DIS3L: variants seen among roughly 807,000 people sequenced by gnomAD.
DIS3L encodes DIS3-like exonuclease 1.
Under a neutral mutation model 120.3 loss-of-function variants are expected in DIS3L, and 100 were observed. That is an observed-to-expected ratio of 0.83 (90% CI 0.71 to 0.98). The LOEUF is 0.98. Ranked by LOEUF, DIS3L falls within the 50% of genes least tolerant of loss-of-function variation. The probability of loss-of-function intolerance (pLI) is 0.00; values close to 1 mark genes in which losing one functional copy is unlikely to be tolerated. For missense variants in DIS3L, 1,196 were observed against 1,314.2 expected, an observed-to-expected ratio of 0.91 and a Z score of 1.39; for synonymous variants, 426 against 470.6, an observed-to-expected ratio of 0.91 and a Z score of 1.23.
chr15:66,298,789 CA>C (rs2092616891), intron 2 of DIS3L, among the ~76,000 whole-genome samples: 2 of 152,214 alleles, frequency 1.3e-5, no homozygotes, highest in African/African-American at 4.8e-5. Context: ...CCACCATGTT[CA>C]TGTGTTCACA....
intron 5 of DIS3L, among the ~76,000 whole-genome samples, chr15:66,312,531 ATGT>A (rs2077113797): frequency 6.6e-6 from 1 of 152,160 alleles, no homozygotes; most frequent in South Asian, 2.1e-4. Context: ...AGGTTTGGTG[ATGT>A]TGTAAAATTG....
At chr15:66,313,828 GAAAA>G (rs528420858) in intron 5 of DIS3L, among the ~76,000 whole-genome samples, 2 of 146,114 alleles carry the variant, frequency 1.4e-5, no homozygotes, top group East Asian at 3.9e-4. Context: ...TCGAAAAAAA[GAAAA>G]AAGTGTATAT....
In DIS3L at chr15:66,326,226, C is replaced by A. The variant is rs1465896438; in HGVS notation, c.2063C>A (p.Ala688Asp). The change falls in exon 12 of 17, where the codon GCC (alanine) becomes GAC (aspartate). Residue 688 changes from alanine to aspartate, a missense_variant. By Grantham distance (126) the Ala-to-Asp change is moderately radical. Transcript: ENST00000319212. Reference protein sequence around the residue: ...HETVAECMILANHWVAKKIWE... With the variant: ...HETVAECMILDNHWVAKKIWE... ...ACAGTGGCTGAATGCATGATCCTGG[C>A]CAACCACTGGGTCGCCAAAAAGATC... The A allele has an allele frequency of 3.7e-6, 6 of 1,614,220 alleles. No homozygotes were observed. The South Asian group carries it at 6.6e-5, about 18-fold the overall frequency.
intron 9 of DIS3L, among the ~76,000 whole-genome samples, chr15:66,321,212 C>T (rs572737645): frequency 9.2e-5 from 14 of 152,302 alleles, no homozygotes; most frequent in African/African-American, 3.4e-4. Flanking sequence ...ATCTCATAAA[C>T]ATAAAACATC....
At chr15:66,324,018 G>C (rs950683910) in intron 11 of DIS3L, among the ~76,000 whole-genome samples, 5 of 152,002 alleles carry the variant, frequency 3.3e-5, no homozygotes, top group African/African-American at 1.2e-4. Context: ...ATATAGGCCC[G>C]AACTCATATG....
chr15:66,309,081 G>GAAAAAAA lies in DIS3L; in HGVS notation c.558+245_558+251dup, dbSNP rs1555401909. On this transcript the variant is annotated intron_variant, in intron 4 of 16. Coordinates refer to ENST00000319212, the MANE Select transcript of DIS3L (RefSeq NM_001143688.3). The stretch of plus-strand genomic sequence containing the variant: ...AATCTAGTGAGACCTTGTCTCTACA[G>GAAAAAAA]AAAAAAAAAAAAAATATATATATCT... Among the ~76,000 whole-genome samples the GAAAAAAA allele has an allele frequency of 1.8e-3, 2 of 1,132 alleles. 1 individual carries two copies. Among genetic ancestry groups the GAAAAAAA allele is most frequent in the Non-Finnish European group, 5.6e-3 (2 of 358 alleles). 0.7% of individuals were successfully genotyped at this position (1,132 alleles called of 152,430 possible).
Position 66,333,452 on chromosome 15 carries a change from C to A in DIS3L, c.*140C>A. The A allele has an allele frequency of 3.1e-6, 3 of 964,718 alleles. No homozygotes were observed. The allele number at this position is 964,718 out of a possible 1,614,324, so 59.8% of individuals were successfully genotyped here. A position where few individuals can be genotyped will look rare whatever the true frequency, so the allele number is the denominator to read the frequency against. ...CGCATATATGTAAAATGTTCTCAGC[C>A]GGGCACGGTGGCTCACGCCTGTAAC... On this transcript the variant is annotated 3_prime_UTR_variant, in exon 17 of 17. Transcript: ENST00000319212.
intron 14 of DIS3L, chr15:66,330,607 A>G: frequency 3.1e-6 from 3 of 960,802 alleles, no homozygotes; most frequent in Non-Finnish European, 2.5e-6. Context: ...TTGTCTCAGT[A>G]GAAATTTGGC....
chr15:66,299,412 G>C (rs2092623439), intron 2 of DIS3L, among the ~76,000 whole-genome samples: 1 of 152,082 alleles, frequency 6.6e-6, no homozygotes, highest in Admixed American at 6.6e-5. Flanking sequence ...GCGTGATGGT[G>C]GGTGCCTGTA....
chr15:66,331,835 AG>A, intron 14 of DIS3L, 39 bp from the exon 15 acceptor site: 2 of 1,488,108 alleles, frequency 1.3e-6, no homozygotes, highest in Non-Finnish European at 9.0e-7. Flanking sequence ...GGGGAATGCC[AG>A]GGGAGTGTTA....
At chr15:66,318,190 T>A (rs1007602625) in intron 7 of DIS3L, among the ~76,000 whole-genome samples, 1 of 152,142 alleles carries the variant, frequency 6.6e-6, no homozygotes, top group Admixed American at 6.5e-5. Flanking sequence ...GCCAGGCTGG[T>A]CTTGAACTCC....
rs75040294 is a variant in DIS3L at position 66,293,569 on chromosome 15, C to G, written c.-28C>G. ...GGCCTTGCCTCCGCCGCGCCCGCCA[C>G]TCCGCGGCCGCCGGGAGACACGCCG... On this transcript the variant is annotated 5_prime_UTR_variant, in exon 1 of 17. Coordinates refer to ENST00000319212, the MANE Select transcript of DIS3L (RefSeq NM_001143688.3). 7.1e-7 allele frequency: 1 copy of G among 1,414,512 alleles called. No individual in the cohort carries two copies. Among genetic ancestry groups the G allele is most frequent in the East Asian group, 3.3e-5 (1 of 29,878 alleles). 87.6% of individuals were successfully genotyped at this position (1,414,512 alleles called of 1,614,324 possible).
intron 14 of DIS3L, chr15:66,330,683 T>A: frequency 4.3e-6 from 1 of 234,982 alleles, no homozygotes; most frequent in Non-Finnish European, 7.0e-6. Flanking sequence ...TGGCTACATA[T>A]TAGGCAACAC....
intron 12 of DIS3L, among the ~76,000 whole-genome samples, chr15:66,327,765 TAAAA>T: frequency 6.6e-6 from 1 of 150,600 alleles, no homozygotes; most frequent in South Asian, 2.1e-4. Flanking sequence ...AATAAATAAA[TAAAA>T]ACTAAGTATA....
chr15:66,293,418 A>C, upstream of DIS3L: 4 of 1,151,972 alleles, frequency 3.5e-6, no homozygotes, highest in Non-Finnish European at 4.3e-6. Flanking sequence ...AGGGAAGGGA[A>C]GAAACTAAGG....
At chr15:66,303,502 C>G (rs2092669267) in intron 2 of DIS3L, among the ~76,000 whole-genome samples, 1 of 152,112 alleles carries the variant, frequency 6.6e-6, no homozygotes, top group African/African-American at 2.4e-5. Flanking sequence ...CAAAGATTTT[C>G]TAAATGAAGG....
intron 10 of DIS3L, 47 bp downstream of exon 10, chr15:66,322,981 A>G: frequency 6.2e-7 from 1 of 1,601,370 alleles, no homozygotes; most frequent in South Asian, 1.1e-5. Context: ...ATGTGACTGG[A>G]TATTTTGTGT....
chr15:66,332,937 A>G lies in DIS3L; in HGVS notation c.2856+27A>G, dbSNP rs373932380. 100 of 1,580,996 alleles carry G rather than the reference A, an allele frequency of 6.3e-5. 1 individual carries two copies. Among genetic ancestry groups the G allele is most frequent in the Non-Finnish European group, 8.2e-5 (96 of 1,166,074 alleles). On this transcript the variant is annotated intron_variant, in intron 16 of 16. Transcript: ENST00000319212. ...TAAGTCTGTGTTTCTATTAAGTATT[A>G]TTAATATTTTAAATGTAAGGAATAA...
chr15:66,325,690 G>A, intron 11 of DIS3L, 141 bp from the exon 12 acceptor site: 2 of 967,090 alleles, frequency 2.1e-6, no homozygotes, highest in Admixed American at 2.5e-5. Context: ...AAGTCCAGGA[G>A]ATTGAGGCAG....
Sources: allele counts gnomAD v4.1 joint callset (sites outside exome capture counted in the v4.1 genomes callset), GRCh38; gene constraint gnomAD v4.1.1; transcripts MANE v1.5; gene names NCBI Gene and HGNC (gene_info 2026-07-23, HGNC 2026-07-21).